Variants in RSBN1L observed in about 807,000 individuals in gnomAD.
RSBN1L encodes the protein lysine-specific demethylase RSBN1L.
A neutral mutation model predicts 67.7 loss-of-function variants in RSBN1L; 30 were observed. The ratio of observed to expected loss-of-function variants is 0.44; its 90% CI spans 0.33 to 0.60. RSBN1L has a LOEUF of 0.60. Among genes scored for constraint, RSBN1L ranks in the 20% least tolerant of loss-of-function variants. The pLI is 0.02. For synonymous variants in RSBN1L, 433 were observed against 387.0 expected (o/e 1.12, Z -1.39); for missense variants, 992 against 1,031.7 (o/e 0.96, Z 0.53).
chr7:77,698,172 A>C (rs1189576395), intron 1 of RSBN1L, among the ~76,000 whole-genome samples: 1 of 152,244 alleles, frequency 6.6e-6, no homozygotes, highest in East Asian at 1.9e-4. Context: ...ATGTAGCAAT[A>C]GTGTCACTTC....
intron 5 of RSBN1L, among the ~76,000 whole-genome samples, chr7:77,769,731 C>A (rs1562809908): frequency 1.3e-5 from 2 of 152,116 alleles, no homozygotes; most frequent in South Asian, 2.1e-4. Context: ...AGAAAAATAA[C>A]CTCAGGTAGT....
At chr7:77,753,677 T>C (rs971108562) in intron 3 of RSBN1L, among the ~76,000 whole-genome samples, 3 of 152,250 alleles carry the variant, frequency 2.0e-5, no homozygotes, top group African/African-American at 7.2e-5. Flanking sequence ...TTTAGAAATC[T>C]TTGCCTACCA....
rs1562793932 is a variant in RSBN1L, at chr7:77,709,192, G to GTATGTA, written c.586+12138_586+12139insATGTAT. ...TGTGTGTGTGTGTGTGTGTGTGTGT[G>GTATGTA]TGTGTATGTATGTGTATGTGTATGT... On this transcript the variant is annotated intron_variant, in intron 1 of 7. Coordinates refer to ENST00000334955, the MANE Select transcript of RSBN1L (RefSeq NM_198467.3). Among the ~76,000 whole-genome samples the GTATGTA allele has an allele frequency of 5.9e-3, 760 of 128,280 alleles. 5 individuals are homozygous for GTATGTA. The highest frequency in any genetic ancestry group is 0.021 in the African/African-American group (645 of 31,168). 84.2% of individuals were successfully genotyped at this position (128,280 alleles called of 152,430 possible). A position where few individuals can be genotyped will look rare whatever the true frequency, so the allele number is the denominator to read the frequency against.
chr7:77,699,090 G>A lies in RSBN1L; in HGVS notation c.586+2035G>A, dbSNP rs1790779644. 2.0e-5 allele frequency among the ~76,000 whole-genome samples: 3 copies of A among 152,098 alleles called. No homozygotes were observed. In the South Asian group the frequency reaches 6.2e-4, roughly 32 times the overall value. Reference sequence around the variant, plus strand: ...TGAAAGTCCTGATTTGCAATACAATGATCATTTCTCTGTGCTTTTTGTAAA... The same window carrying A: ...TGAAAGTCCTGATTTGCAATACAATAATCATTTCTCTGTGCTTTTTGTAAA... On this transcript the variant is annotated intron_variant, in intron 1 of 7. Transcript: ENST00000334955.
intron 1 of RSBN1L, among the ~76,000 whole-genome samples, chr7:77,735,533 A>T (rs1257726801): frequency 1.3e-5 from 2 of 152,174 alleles, no homozygotes; most frequent in Non-Finnish European, 2.9e-5. Flanking sequence ...GTGTTTATAG[A>T]AAGGAAAGTA....
At chr7:77,760,416 G>T (rs1791684285) in intron 3 of RSBN1L, among the ~76,000 whole-genome samples, 1 of 151,998 alleles carries the variant, frequency 6.6e-6, no homozygotes, top group South Asian at 2.1e-4. Context: ...GGGTTTTGTG[G>T]GGAGGGGGAG....
chr7:77,781,594 G>A lies in RSBN1L; in HGVS notation c.*2426G>A, dbSNP rs1267345724. 2 of 152,084 alleles carry A rather than the reference G, an allele frequency of 1.3e-5. No homozygotes were observed. The highest frequency in any genetic ancestry group is 6.5e-5 in the Admixed American group (1 of 15,284). 9.4% of individuals were successfully genotyped at this position (152,084 alleles called of 1,614,324 possible). A position where few individuals can be genotyped will look rare whatever the true frequency, so the allele number is the denominator to read the frequency against. ...CCTTAAACTTTTTAACTTAAAGGAAGGCATATCTAAAAACCATAGTGGTTG... is the reference window on the plus strand; with the variant it reads ...CCTTAAACTTTTTAACTTAAAGGAAAGCATATCTAAAAACCATAGTGGTTG... On this transcript the variant is annotated 3_prime_UTR_variant, in exon 8 of 8. Transcript: ENST00000334955.
intron 2 of RSBN1L, among the ~76,000 whole-genome samples, chr7:77,739,463 A>G (rs1791379355): frequency 6.6e-6 from 1 of 152,002 alleles, no homozygotes; most frequent in African/African-American, 2.4e-5. Context: ...CTGTAATCCC[A>G]GCACTTTGGG....
chr7:77,764,098 T>C (rs1227234412), intron 3 of RSBN1L, among the ~76,000 whole-genome samples: 2 of 152,206 alleles, frequency 1.3e-5, no homozygotes, highest in Non-Finnish European at 2.9e-5. Flanking sequence ...GACTATCTTT[T>C]ATAATCTGTG....
intron 1 of RSBN1L, among the ~76,000 whole-genome samples, chr7:77,707,570 A>C (rs1790912060): frequency 6.6e-6 from 1 of 152,048 alleles, no homozygotes; most frequent in Non-Finnish European, 1.5e-5. Context: ...TTGTCATTGG[A>C]GCAATGTATA....
In RSBN1L at chr7:77,732,616, GAGCCACCACACCC is replaced by G. The variant is rs1791285851; in HGVS notation, c.587-3789_587-3777del. Among the ~76,000 whole-genome samples the G allele has an allele frequency of 4.6e-5, 7 of 152,288 alleles. No homozygotes were observed. The South Asian group carries it at 1.5e-3, about 32-fold the overall frequency. ...CCCAAAGTGCTGGGATTACAGGCGT[GAGCCACCACACCC>G]AGCCTAGAAGTGGCTTTTTAAAAGG... On this transcript the variant is annotated intron_variant, in intron 1 of 7. Coordinates refer to ENST00000334955, the MANE Select transcript of RSBN1L (RefSeq NM_198467.3).
intron 4 of RSBN1L, 112 bp from the exon 5 acceptor site, chr7:77,768,549 G>A (rs2150432697): frequency 5.6e-6 from 5 of 891,146 alleles, no homozygotes; most frequent in South Asian, 1.6e-5. Context: ...AGATGCTTAA[G>A]TATAAAGCTG....
chr7:77,768,938 C>A, intron 5 of RSBN1L, 135 bp downstream of exon 5: 1 of 662,694 alleles, frequency 1.5e-6, no homozygotes, highest in Non-Finnish European at 2.5e-6. Context: ...AATAGCGATA[C>A]ATGCTAATAC....
intron 1 of RSBN1L, among the ~76,000 whole-genome samples, chr7:77,713,286 C>G (rs983109413): frequency 1.3e-5 from 2 of 151,780 alleles, no homozygotes; most frequent in African/African-American, 4.8e-5. Flanking sequence ...GTCTTTCATA[C>G]AGAAGTTTTC....
At chr7:77,742,829 C>A (rs975607720) in intron 2 of RSBN1L, among the ~76,000 whole-genome samples, 5 of 152,216 alleles carry the variant, frequency 3.3e-5, no homozygotes, top group East Asian at 3.9e-4. Context: ...CAGAGTGAGA[C>A]CCTGTCTTAA....
At chr7:77,740,985 CTTTTTTTTTTTT>C (rs869081974) in intron 2 of RSBN1L, among the ~76,000 whole-genome samples, 11 of 102,942 alleles carry the variant, frequency 1.1e-4, no homozygotes, top group African/African-American at 4.9e-4. Context: ...CTTTTCTTTT[CTTTTTTTTTTTT>C]TTTTTTTGAG....
chr7:77,755,989 T>C (rs1385740585), intron 3 of RSBN1L, among the ~76,000 whole-genome samples: 1 of 152,204 alleles, frequency 6.6e-6, no homozygotes, highest in Non-Finnish European at 1.5e-5. Flanking sequence ...ATCCTTCAAT[T>C]CCCTTTTCTG....
intron 6 of RSBN1L, among the ~76,000 whole-genome samples, chr7:77,776,171 T>C (rs1367271630): frequency 1.3e-5 from 2 of 152,262 alleles, no homozygotes. Context: ...TTCTCACTTA[T>C]TTTTGTCTGC....
intron 2 of RSBN1L, among the ~76,000 whole-genome samples, chr7:77,745,514 ATGTAACTTT>A (rs1293424724): frequency 6.6e-6 from 1 of 152,226 alleles, no homozygotes; most frequent in Non-Finnish European, 1.5e-5. Flanking sequence ...TGAGAGAAAC[ATGTAACTTT>A]TGTAACATAT....
Sources: gnomAD v4.1 joint callset for allele counts (sites outside exome capture counted in the v4.1 genomes callset) on GRCh38, gnomAD v4.1.1 for gene constraint, MANE v1.5 for transcripts, NCBI Gene and HGNC (gene_info 2026-07-23, HGNC 2026-07-21) for gene names.